SCRT2: variants seen among roughly 807,000 people sequenced by gnomAD.
The protein encoded by SCRT2 is scratch family transcriptional repressor 2, also known as transcriptional repressor scratch 2.
In SCRT2, 2 loss-of-function variants were observed where a neutral mutation model predicts 3.7. The observed-to-expected ratio is 0.54, with a 90% confidence interval of 0.22 to 1.70. The LOEUF (loss-of-function observed/expected upper bound fraction) is 1.70. Among genes scored for constraint, SCRT2 ranks in the 40% most tolerant of loss-of-function variants. The probability of loss-of-function intolerance (pLI) is 0.19; values close to 1 mark genes in which losing one functional copy is unlikely to be tolerated. For missense variants in SCRT2, 456 were observed against 468.5 expected (o/e 0.97, Z 0.25); for synonymous variants, 256 against 220.6 (o/e 1.16, Z -1.42).
intron 1 of SCRT2, among the ~76,000 whole-genome samples, chr20:671,272 C>T (rs1292200664): frequency 6.6e-6 from 1 of 152,188 alleles, no homozygotes; most frequent in Non-Finnish European, 1.5e-5. Flanking sequence ...TGGTCCTATA[C>T]CTGAAGTTTG....
rs968288979 is a variant in SCRT2 at position 667,899 on chromosome 20, C to G, written c.134-3438G>C. Among the ~76,000 whole-genome samples, 4 of 152,138 alleles carry G rather than the reference C, an allele frequency of 2.6e-5. No homozygotes were observed. Among genetic ancestry groups the G allele is most frequent in the African/African-American group, 9.7e-5 (4 of 41,428 alleles). ...GGAATCTATACATGACAAAGATGGACTGGAATGGTCTAAAGACCCTTTCTG... is the reference window on the plus strand; with the variant it reads ...GGAATCTATACATGACAAAGATGGAGTGGAATGGTCTAAAGACCCTTTCTG... On this transcript the variant is annotated intron_variant, in intron 1 of 1. Coordinates refer to ENST00000246104, the MANE Select transcript of SCRT2 (RefSeq NM_033129.4). This position sits in a 1 kb window ranked among gnomAD's most constrained non-coding sequence, Gnocchi z 4.4.
rs1984096631 is a variant in SCRT2, at chr20:664,571, C to G, written c.134-110G>C. 1.3e-6 allele frequency: 1 copy of G among 747,626 alleles called. No individual in the cohort carries two copies. The highest frequency in any genetic ancestry group is 3.4e-5 in the East Asian group (1 of 29,538). 46.3% of individuals were successfully genotyped at this position (747,626 alleles called of 1,614,324 possible). On this transcript the variant is annotated intron_variant, in intron 1 of 1. Coordinates refer to ENST00000246104, the MANE Select transcript of SCRT2 (RefSeq NM_033129.4). The surrounding 1 kb of genome is among the most constrained non-coding windows in gnomAD (Gnocchi z 7.9). ...CCAGCTTGGCGCCCCTGTGGCAGCT[C>G]CGACAGTGGTGGTCTCCGACCTGCA...
chr20:663,449 G>C lies in SCRT2; in HGVS notation c.*222C>G. On this transcript the variant is annotated 3_prime_UTR_variant, in exon 2 of 2. Coordinates refer to ENST00000246104, the MANE Select transcript of SCRT2 (RefSeq NM_033129.4). This position sits in a 1 kb window ranked among gnomAD's most constrained non-coding sequence, Gnocchi z 6.9. ...GGGGGTCAAGGTCCGAGGGATGGCC[G>C]GAAAGGATGAAGTGGGTCGGGGGAC... 2.5e-6 allele frequency: 1 copy of C among 404,272 alleles called. No individual in the cohort carries two copies. The highest frequency in any genetic ancestry group is 4.2e-6 in the Non-Finnish European group (1 of 237,642). 25.0% of individuals were successfully genotyped at this position (404,272 alleles called of 1,614,324 possible).
chr20:665,055 A>G lies in SCRT2; in HGVS notation c.134-594T>C, dbSNP rs1424028687. On this transcript the variant is annotated intron_variant, in intron 1 of 1. Coordinates refer to ENST00000246104, the MANE Select transcript of SCRT2 (RefSeq NM_033129.4). The surrounding 1 kb of genome is among the most constrained non-coding windows in gnomAD (Gnocchi z 5.0). ...CAGACTCTGCCTCGGTGCTTTACGC[A>G]TGTTAACTCTAATCGTCACAGACCC... Among the ~76,000 whole-genome samples the G allele has an allele frequency of 6.6e-6, 1 of 152,258 alleles. No homozygotes were observed. Among genetic ancestry groups the G allele is most frequent in the African/African-American group, 2.4e-5 (1 of 41,460 alleles).
rs1267652315 is a variant in SCRT2, at chr20:665,520, G to C, written c.134-1059C>G. ...TTGGACCAGGAATCCTGTCTGCCAA[G>C]GGTTTGAGTGATTGGTGGGTGGGCA... On this transcript the variant is annotated intron_variant, in intron 1 of 1. Transcript: ENST00000246104. This position sits in a 1 kb window ranked among gnomAD's most constrained non-coding sequence, Gnocchi z 5.0. Among the ~76,000 whole-genome samples the C allele has an allele frequency of 6.6e-6, 1 of 152,182 alleles. No individual in the cohort carries two copies. The highest frequency in any genetic ancestry group is 1.5e-5 in the Non-Finnish European group (1 of 68,036).
rs571998288 is a variant in SCRT2, at chr20:666,865, C to A, written c.134-2404G>T. Among the ~76,000 whole-genome samples the A allele has an allele frequency of 6.6e-5, 10 of 152,330 alleles. No homozygotes were observed. The highest frequency in any genetic ancestry group is 2.4e-4 in the African/African-American group (10 of 41,564). ...GGAAGGGGAAGGGTGGTTTGGTTCT[C>A]CAACACAGATTCCAGCTGAGTGCCT... On this transcript the variant is annotated intron_variant, in intron 1 of 1. Coordinates refer to ENST00000246104, the MANE Select transcript of SCRT2 (RefSeq NM_033129.4). The surrounding 1 kb of genome is among the most constrained non-coding windows in gnomAD (Gnocchi z 4.4).
In SCRT2 at chr20:664,072, G is replaced by T; in HGVS notation, c.523C>A (p.Gln175Lys). 1 of 1,610,862 alleles carries T rather than the reference G, an allele frequency of 6.2e-7. No individual in the cohort carries two copies. The stretch of plus-strand genomic sequence containing the variant: ...TGGCTGTCCAGGCTGCGGTGCGTCT[G>T]CTTGTGGCGGCTCAGGTTCGACGAC... ...ATSSNLSRHK[Q>K]THRSLDSQLA... The change falls in exon 2 of 2, where the codon CAG (glutamine) becomes AAG (lysine). Residue 175 changes from glutamine (Q) to lysine (K), a missense_variant. By Grantham distance (53) the Gln-to-Lys change is moderately conservative. Coordinates refer to ENST00000246104, the MANE Select transcript of SCRT2 (RefSeq NM_033129.4). This position sits in a 1 kb window ranked among gnomAD's most constrained non-coding sequence, Gnocchi z 7.9.
chr20:669,266 G>A (rs1016535504), intron 1 of SCRT2, among the ~76,000 whole-genome samples: 6 of 152,240 alleles, frequency 3.9e-5, no homozygotes, highest in Admixed American at 3.9e-4. Flanking sequence ...TTGGTGCAAG[G>A]CATCCTGCTA....
Position 664,326 on chromosome 20 carries a change from C to T in SCRT2, c.269G>A (p.Ser90Asn). Reference protein sequence around the residue: ...EYSDPESPQSSLSARYFRGEA... With the variant: ...EYSDPESPQSNLSARYFRGEA... ...CCCTCGGAAGTAGCGCGCCGACAGGCTCGACTGCGGGCTTTCGGGGTCGCT... is the reference window on the plus strand; with the variant it reads ...CCCTCGGAAGTAGCGCGCCGACAGGTTCGACTGCGGGCTTTCGGGGTCGCT... The change falls in exon 2 of 2, where the codon AGC (serine) becomes AAC (asparagine). Residue 90 changes from serine to asparagine, a missense_variant. By Grantham distance (46) the Ser-to-Asn change is conservative (BLOSUM62 1). Coordinates refer to ENST00000246104, the MANE Select transcript of SCRT2 (RefSeq NM_033129.4). The surrounding 1 kb of genome is among the most constrained non-coding windows in gnomAD (Gnocchi z 7.9). 4.7e-6 allele frequency: 7 copies of T among 1,504,994 alleles called. No homozygotes were observed. The highest frequency in any genetic ancestry group is 1.4e-5 in the African/African-American group (1 of 70,324). 93.2% of individuals were successfully genotyped at this position (1,504,994 alleles called of 1,614,324 possible).
intron 1 of SCRT2, among the ~76,000 whole-genome samples, chr20:672,049 G>C (rs373235790): frequency 1.3e-5 from 2 of 152,140 alleles, no homozygotes; most frequent in East Asian, 3.9e-4. Context: ...GGAGTTGGAG[G>C]GTGAGGTTAG....
intron 1 of SCRT2, among the ~76,000 whole-genome samples, chr20:672,089 C>T (rs1053998321): frequency 2.6e-5 from 4 of 152,230 alleles, no homozygotes; most frequent in Non-Finnish European, 4.4e-5. Flanking sequence ...AAGTTGGCAT[C>T]TCCCAGAAAG....
In SCRT2 at chr20:665,217, C is replaced by T. The variant is rs149731825; in HGVS notation, c.134-756G>A. On this transcript the variant is annotated intron_variant, in intron 1 of 1. Transcript: ENST00000246104. This position sits in a 1 kb window ranked among gnomAD's most constrained non-coding sequence, Gnocchi z 5.0. ...ACTTGCTTGGAGATAGTTTCCTCCCCCACCACACTGTGAGCTCCCCATGGT... is the reference window on the plus strand; with the variant it reads ...ACTTGCTTGGAGATAGTTTCCTCCCTCACCACACTGTGAGCTCCCCATGGT... Among the ~76,000 whole-genome samples the T allele has an allele frequency of 7.4e-4, 113 of 152,330 alleles. 1 individual carries two copies. The East Asian group carries it at 0.018, about 24-fold the overall frequency.
At position 675,725 on chromosome 20, in the gene SCRT2, C is replaced by T; in HGVS notation, c.-124G>A. 1 of 604,974 alleles carries T rather than the reference C, an allele frequency of 1.7e-6. No homozygotes were observed. The allele number at this position is 604,974 out of a possible 1,614,324, so 37.5% of individuals were successfully genotyped here. On this transcript the variant is annotated 5_prime_UTR_variant, in exon 1 of 2. Transcript: ENST00000246104. This position sits in a 1 kb window ranked among gnomAD's most constrained non-coding sequence, Gnocchi z 6.9. Reference sequence around the variant, plus strand: ...TGGAGCGCGGGAGGCCGCTCGGAGCCGGCACCGGTGGCGGCGGCCCCGGCT... The same window carrying T: ...TGGAGCGCGGGAGGCCGCTCGGAGCTGGCACCGGTGGCGGCGGCCCCGGCT...
chr20:673,178 A>G (rs1218956801), intron 1 of SCRT2, among the ~76,000 whole-genome samples: 1 of 152,200 alleles, frequency 6.6e-6, no homozygotes, highest in Non-Finnish European at 1.5e-5. Context: ...ACCAAAGCCA[A>G]GAAAAGTGCC....
At chr20:669,988 C>T (rs139158581) in intron 1 of SCRT2, among the ~76,000 whole-genome samples, 34 of 152,326 alleles carry the variant, frequency 2.2e-4, no homozygotes, top group East Asian at 3.9e-4. Flanking sequence ...GGCTGATGCC[C>T]ACTGACCCAG....
rs760429561 is a variant in SCRT2, at chr20:667,022, C to G, written c.134-2561G>C. On this transcript the variant is annotated intron_variant, in intron 1 of 1. Transcript: ENST00000246104. This position sits in a 1 kb window ranked among gnomAD's most constrained non-coding sequence, Gnocchi z 4.4. ...ATTGGATAAGAGTAAAACTTTGGTG[C>G]CAGACGGCCTGGATTGTTTTGGCTC... Among the ~76,000 whole-genome samples the G allele has an allele frequency of 3.3e-5, 5 of 152,114 alleles. No homozygotes were observed. The highest frequency in any genetic ancestry group is 7.3e-5 in the Non-Finnish European group (5 of 68,030).
chr20:667,174 G>A lies in SCRT2; in HGVS notation c.134-2713C>T, dbSNP rs189854473. Among the ~76,000 whole-genome samples the A allele has an allele frequency of 1.3e-3, 199 of 152,264 alleles. No homozygotes were observed. Among genetic ancestry groups the A allele is most frequent in the Non-Finnish European group, 2.4e-3 (166 of 68,020 alleles). On this transcript the variant is annotated intron_variant, in intron 1 of 1. Coordinates refer to ENST00000246104, the MANE Select transcript of SCRT2 (RefSeq NM_033129.4). This position sits in a 1 kb window ranked among gnomAD's most constrained non-coding sequence, Gnocchi z 4.4. Reference sequence around the variant, plus strand: ...TAACCAGCACTCTCAGAGCACTCCTGTGTCAGGCACTCTTACAAGGGCTTT... The same window carrying A: ...TAACCAGCACTCTCAGAGCACTCCTATGTCAGGCACTCTTACAAGGGCTTT...
At chr20:674,410 CACACACACA>C in intron 1 of SCRT2, among the ~76,000 whole-genome samples, 1 of 40,998 alleles carries the variant, frequency 2.4e-5, no homozygotes, top group Non-Finnish European at 9.0e-5. Flanking sequence ...CACACACACA[CACACACACA>C]CACACACACA....
chr20:674,640 G>C (rs1477190563), intron 1 of SCRT2, among the ~76,000 whole-genome samples: 1 of 151,456 alleles, frequency 6.6e-6, no homozygotes, highest in Non-Finnish European at 1.5e-5. Context: ...GACTTCTCTT[G>C]TTCCTCAAAC....
Sources: allele counts gnomAD v4.1 joint callset (sites outside exome capture counted in the v4.1 genomes callset), GRCh38; gene constraint gnomAD v4.1.1; non-coding constraint Gnocchi (gnomAD v3.1); transcripts MANE v1.5; gene names NCBI Gene and HGNC (gene_info 2026-07-23, HGNC 2026-07-21).